ZCCHC14: variants seen among roughly 807,000 people sequenced by gnomAD.
ZCCHC14 encodes zinc finger CCHC-type containing 14.
ZCCHC14 carries 16 observed loss-of-function variants against 85.0 expected under a neutral mutation model. The ratio of observed to expected loss-of-function variants is 0.19; its 90% CI spans 0.13 to 0.29. The LOEUF (loss-of-function observed/expected upper bound fraction) is 0.29, where lower values mean the gene tolerates loss of function less well. ZCCHC14 is among the 10% of genes least tolerant of loss of function. The pLI is 1.00. For synonymous variants in ZCCHC14, 775 were observed against 630.7 expected (o/e 1.23, Z -3.43); for missense variants, 1,303 against 1,443.5 (o/e 0.90, Z 1.58).
chr16:87,442,926 C>G (rs1004411884), intron 2 of ZCCHC14, among the ~76,000 whole-genome samples: 4 of 152,160 alleles, frequency 2.6e-5, no homozygotes, highest in African/African-American at 7.2e-5. Context: ...AAGACACCCT[C>G]AGATGAAGGA....
chr16:87,425,836 C>T (rs1909342954), intron 3 of ZCCHC14, among the ~76,000 whole-genome samples: 1 of 152,340 alleles, frequency 6.6e-6, no homozygotes, highest in African/African-American at 2.4e-5. Context: ...ACAGCTCTCA[C>T]ACCTGCCTCT....
At chr16:87,438,446 GA>G (rs1910036040) in intron 2 of ZCCHC14, among the ~76,000 whole-genome samples, 1 of 152,202 alleles carries the variant, frequency 6.6e-6, no homozygotes, top group Non-Finnish European at 1.5e-5. Flanking sequence ...TAGATACAGA[GA>G]AAGTCTTCCA....
intron 2 of ZCCHC14, among the ~76,000 whole-genome samples, chr16:87,444,838 T>C (rs1910356427): frequency 1.3e-5 from 2 of 152,160 alleles, no homozygotes; most frequent in African/African-American, 4.8e-5. Context: ...TAAAAGGCAT[T>C]ACTGGGACAA....
rs781189469 is a variant in ZCCHC14 at position 87,411,500 on chromosome 16, C to T, written c.3205+16G>A. 6.2e-7 allele frequency: 1 copy of T among 1,612,646 alleles called. No individual in the cohort carries two copies. The highest frequency in any genetic ancestry group is 2.2e-5 in the East Asian group (1 of 44,874). ...CCTGCGGGAGCCTGGTGGGCGCGGC[C>T]ATGGCGCGCGCTTACCTGGCCGGTT... On this transcript the variant is annotated intron_variant, in intron 12 of 12. Transcript: ENST00000671377.
At chr16:87,426,193 C>T (rs891694068) in intron 3 of ZCCHC14, among the ~76,000 whole-genome samples, 1 of 152,202 alleles carries the variant, frequency 6.6e-6, no homozygotes, top group African/African-American at 2.4e-5. Flanking sequence ...AAGCCCTCTA[C>T]CTCACCTGCC....
rs1313913806 is a variant in ZCCHC14, at chr16:87,492,908, G to GCGGCGGCGGCGGCGACGGCGACGGCGA, written c.-697_-671dup. On this transcript the variant is annotated 5_prime_UTR_variant, in exon 1 of 13. Transcript: ENST00000671377. This position sits in a 1 kb window ranked among gnomAD's most constrained non-coding sequence, Gnocchi z 6.7. ...GCGGCGGACGGATCCGGGCCCGAGC[G>GCGGCGGCGGCGGCGACGGCGACGGCGA]CGGCGGCGGCGGCGACGGCGACGGC... 5.7e-5 allele frequency among the ~76,000 whole-genome samples: 8 copies of GCGGCGGCGGCGGCGACGGCGACGGCGA among 141,296 alleles called. No individual in the cohort carries two copies. Among genetic ancestry groups the GCGGCGGCGGCGGCGACGGCGACGGCGA allele is most frequent in the South Asian group, 4.3e-4 (2 of 4,622 alleles). The allele number at this position is 141,296 out of a possible 152,430, so 92.7% of individuals were successfully genotyped here.
chr16:87,480,785 G>C (rs1320130151), intron 1 of ZCCHC14, among the ~76,000 whole-genome samples: 1 of 152,190 alleles, frequency 6.6e-6, no homozygotes, highest in African/African-American at 2.4e-5. Flanking sequence ...TCTAGGATAA[G>C]GATGCAACAA....
At chr16:87,469,009 G>A (rs2150766955) in intron 1 of ZCCHC14, among the ~76,000 whole-genome samples, 1 of 152,334 alleles carries the variant, frequency 6.6e-6, no homozygotes, top group East Asian at 1.9e-4. Context: ...AAAGCCAGGT[G>A]CCAATGGAAT....
intron 1 of ZCCHC14, among the ~76,000 whole-genome samples, chr16:87,474,972 C>G (rs1489752876): frequency 2.0e-5 from 3 of 152,238 alleles, no homozygotes; most frequent in African/African-American, 4.8e-5. Context: ...AACAAAGCAT[C>G]ATCAATCTTC....
At chr16:87,437,497 C>G (rs181880287) in intron 2 of ZCCHC14, among the ~76,000 whole-genome samples, 1 of 152,168 alleles carries the variant, frequency 6.6e-6, no homozygotes, top group Non-Finnish European at 1.5e-5. Flanking sequence ...TCGGCCACAG[C>G]GCGTGGCAGC....
intron 2 of ZCCHC14, among the ~76,000 whole-genome samples, chr16:87,439,138 T>TC (rs57396164): frequency 7.2e-5 from 5 of 69,608 alleles, no homozygotes. Flanking sequence ...ATACAAGTTC[T>TC]TTTTTTTTTT....
At chr16:87,438,756 G>T (rs867715799) in intron 2 of ZCCHC14, among the ~76,000 whole-genome samples, 28 of 152,180 alleles carry the variant, frequency 1.8e-4, no homozygotes, top group Middle Eastern at 3.4e-3. Context: ...CTCCTGCTTG[G>T]GGCATTCACA....
chr16:87,437,246 GAAT>G (rs1909968895), intron 2 of ZCCHC14, among the ~76,000 whole-genome samples: 2 of 147,170 alleles, frequency 1.4e-5, no homozygotes, highest in African/African-American at 5.0e-5. Context: ...TGAGGCAGGA[GAAT>G]CACTTGACCC....
chr16:87,412,989 A>C lies in ZCCHC14; in HGVS notation c.1745-13T>G. On this transcript the variant is annotated splice_polypyrimidine_tract_variant and intron_variant, in intron 11 of 12. Transcript: ENST00000671377. ...TGAATCTCCACACCTAGAGAGGGAA[A>C]CAAGAGTGGTCAGTGCCATTCCACA... 1 of 1,613,548 alleles carries C rather than the reference A, an allele frequency of 6.2e-7. No individual in the cohort carries two copies. Among genetic ancestry groups the C allele is most frequent in the Non-Finnish European group, 8.5e-7 (1 of 1,179,748 alleles).
At chr16:87,469,999 G>A (rs571871357) in intron 1 of ZCCHC14, among the ~76,000 whole-genome samples, 2 of 152,196 alleles carry the variant, frequency 1.3e-5, no homozygotes, top group Admixed American at 6.5e-5. Context: ...CAGCACTTTG[G>A]GGGGCTGAGG....
chr16:87,414,540 C>G lies in ZCCHC14; in HGVS notation c.1477G>C (p.Glu493Gln). Residue 493 changes from glutamate to glutamine, a missense_variant and splice_region_variant, in exon 10 of 13, where the codon GAG becomes CAG. Glu to Gln is a conservative substitution (Grantham distance 29). Around this residue, in one of 7 missense-constraint regions of ZCCHC14, gnomAD observed 58 missense variants for 88.2 expected, o/e 0.66. Transcript: ENST00000671377. ...TTCAGGCACCGTCTCTCTGACTTCTCCCTGTGAAATAATCAAGCACAGGAA... is the reference window on the plus strand; with the variant it reads ...TTCAGGCACCGTCTCTCTGACTTCTGCCTGTGAAATAATCAAGCACAGGAA... ...KLKTQLELEK[E>Q]KSERRCLNPS... is the part of the protein sequence containing the mutation. 1.2e-6 allele frequency: 2 copies of G among 1,610,318 alleles called. No individual in the cohort carries two copies. The highest frequency in any genetic ancestry group is 1.7e-6 in the Non-Finnish European group (2 of 1,177,892).
At chr16:87,476,474 G>A (rs1441603061) in intron 1 of ZCCHC14, among the ~76,000 whole-genome samples, 5 of 151,964 alleles carry the variant, frequency 3.3e-5, no homozygotes, top group Non-Finnish European at 7.4e-5. Context: ...AGCAAGGACC[G>A]GGAAGGCACC....
chr16:87,417,953 T>A, intron 7 of ZCCHC14: 2 of 597,216 alleles, frequency 3.3e-6, no homozygotes, highest in South Asian at 4.6e-5. Context: ...CTGTAATGCA[T>A]GTCTGTGCAC....
chr16:87,412,202 T>A lies in ZCCHC14; in HGVS notation c.2519A>T (p.Asn840Ile). ...VGPLQGGFCA[N>I]SNTASPSSHP... Reference sequence around the variant, plus strand: ...GCTGCTGGGAGAGGCAGTGTTGCTGTTTGCACAGAAGCCACCCTGCAGGGG... The same window carrying A: ...GCTGCTGGGAGAGGCAGTGTTGCTGATTGCACAGAAGCCACCCTGCAGGGG... The change falls in exon 12 of 13, where the codon AAC becomes ATC. Residue 840 changes from asparagine to isoleucine, a missense_variant. Physicochemically the swap from Asn to Ile is moderately radical, Grantham distance 149. Coordinates refer to ENST00000671377, the MANE Select transcript of ZCCHC14 (RefSeq NM_015144.3). The A allele has an allele frequency of 6.2e-7, 1 of 1,613,942 alleles. No individual in the cohort carries two copies. The highest frequency in any genetic ancestry group is 8.5e-7 in the Non-Finnish European group (1 of 1,180,022).
Sources: allele counts gnomAD v4.1 joint callset (sites outside exome capture counted in the v4.1 genomes callset), GRCh38; gene constraint gnomAD v4.1.1; regional missense constraint gnomAD v4.1.1; non-coding constraint Gnocchi (gnomAD v3.1); transcripts MANE v1.5; gene names NCBI Gene and HGNC (gene_info 2026-07-23, HGNC 2026-07-21).